Variants in CCNYL1 observed in about 807,000 individuals in gnomAD.
CCNYL1 encodes cyclin-Y-like protein 1.
A neutral mutation model predicts 44.2 loss-of-function variants in CCNYL1; 16 were observed. The observed-to-expected ratio is 0.36, with a 90% CI of 0.25 to 0.55. The LOEUF (loss-of-function observed/expected upper bound fraction) is 0.55. Ranked by LOEUF, CCNYL1 falls within the 20% of genes least tolerant of loss-of-function variation. The pLI is 0.85. For missense variants in CCNYL1, 348 were observed against 451.8 expected (o/e 0.77, Z 2.08); for synonymous variants, 159 against 163.2 (o/e 0.97, Z 0.20).
intron 4 of CCNYL1, among the ~76,000 whole-genome samples, chr2:207,735,964 A>G (rs1159542162): frequency 6.6e-6 from 1 of 152,194 alleles, no homozygotes; most frequent in Non-Finnish European, 1.5e-5. Context: ...CTCAAGTTGG[A>G]AGTTAGGCAG....
chr2:207,742,992 C>T (rs2091822710), intron 7 of CCNYL1, among the ~76,000 whole-genome samples: 1 of 152,200 alleles, frequency 6.6e-6, no homozygotes, highest in African/African-American at 2.4e-5. Flanking sequence ...AAATCCTATT[C>T]AAGTGGTTAG....
At chr2:207,731,586 T>C (rs1248197656) in intron 3 of CCNYL1, among the ~76,000 whole-genome samples, 1 of 152,140 alleles carries the variant, frequency 6.6e-6, no homozygotes, top group Non-Finnish European at 1.5e-5. Context: ...TAAGTCAGCT[T>C]TGGTAAGGCT....
In CCNYL1 at chr2:207,747,137, T is replaced by G; in HGVS notation, c.730T>G (p.Ser244Ala). The G allele has an allele frequency of 6.2e-7, 1 of 1,614,176 alleles. No individual in the cohort carries two copies. The highest frequency in any genetic ancestry group is 1.3e-5 in the African/African-American group (1 of 75,054). Residue 244 changes from serine (S) to alanine (A), a missense_variant, in exon 8 of 10, where the codon TCC (serine) becomes GCC (alanine). Transcript: ENST00000295414. ...TGTTCTGGGAGCCATTCTTCTTGCC[T>G]CCAAGGTTTGGGACGATCAGGCTGT... Reference protein sequence around the residue: ...RIVLGAILLASKVWDDQAVWN... With the variant: ...RIVLGAILLAAKVWDDQAVWN...
chr2:207,718,030 G>A (rs979978851), intron 1 of CCNYL1, among the ~76,000 whole-genome samples: 8 of 148,864 alleles, frequency 5.4e-5, no homozygotes, highest in Non-Finnish European at 1.2e-4. Flanking sequence ...TCAGCCTCCC[G>A]AGTAGCTGGG....
At chr2:207,744,621 C>T (rs760319010) in intron 7 of CCNYL1, among the ~76,000 whole-genome samples, 14 of 151,866 alleles carry the variant, frequency 9.2e-5, no homozygotes, top group East Asian at 1.9e-4. Flanking sequence ...CCGCCTACTT[C>T]GGCATCCCGA....
At chr2:207,735,236 G>A (rs2091756380) in intron 4 of CCNYL1, among the ~76,000 whole-genome samples, 1 of 152,118 alleles carries the variant, frequency 6.6e-6, no homozygotes, top group South Asian at 2.1e-4. Context: ...TTCACTACTG[G>A]TTAAATAAAG....
At chr2:207,731,749 T>C (rs1228763146) in intron 3 of CCNYL1, among the ~76,000 whole-genome samples, 1 of 151,686 alleles carries the variant, frequency 6.6e-6, no homozygotes, top group Non-Finnish European at 1.5e-5. Context: ...AAAATTTGGA[T>C]AGTTGAAAGT....
chr2:207,750,497 C>T (rs911430725), intron 8 of CCNYL1, among the ~76,000 whole-genome samples: 2 of 152,226 alleles, frequency 1.3e-5, no homozygotes, highest in Non-Finnish European at 2.9e-5. Context: ...CATTTGTTGC[C>T]GTGGTGATAT....
At chr2:207,752,150 G>A (rs1489704256) in intron 9 of CCNYL1, among the ~76,000 whole-genome samples, 1 of 152,156 alleles carries the variant, frequency 6.6e-6, no homozygotes, top group Non-Finnish European at 1.5e-5. Context: ...CATGGTTTAT[G>A]TATCACAGTG....
At position 207,755,332 on chromosome 2, in the gene CCNYL1, A is replaced by C. The variant is rs1416664043; in HGVS notation, c.*1634A>C. ...GAGGTCAAGGCTGCAGTGGGCCATG[A>C]TCATGTCACTGCTCTCCAACCTGGG... On this transcript the variant is annotated 3_prime_UTR_variant, in exon 10 of 10. Coordinates refer to ENST00000295414, the MANE Select transcript of CCNYL1 (RefSeq NM_001330218.2). 1 of 152,244 alleles carries C rather than the reference A, an allele frequency of 6.6e-6. No homozygotes were observed. The highest frequency in any genetic ancestry group is 1.5e-5 in the Non-Finnish European group (1 of 68,056). The allele number at this position is 152,244 out of a possible 1,614,324, so 9.4% of individuals were successfully genotyped here. A position where few individuals can be genotyped will look rare whatever the true frequency, so the allele number is the denominator to read the frequency against.
chr2:207,755,664 C>T lies in CCNYL1; in HGVS notation c.*1966C>T, dbSNP rs1413851400. 1.3e-5 allele frequency: 2 copies of T among 152,190 alleles called. No homozygotes were observed. The highest frequency in any genetic ancestry group is 1.3e-4 in the Admixed American group (2 of 15,274). The allele number at this position is 152,190 out of a possible 1,614,324, so 9.4% of individuals were successfully genotyped here. ...GTGATATGAACAGCTGTTTTATCAT[C>T]CTACATGCTACCAAGCTGTAGGTGT... On this transcript the variant is annotated 3_prime_UTR_variant, in exon 10 of 10. Transcript: ENST00000295414.
chr2:207,748,841 G>A (rs1339050832), intron 8 of CCNYL1, among the ~76,000 whole-genome samples: 1 of 152,222 alleles, frequency 6.6e-6, no homozygotes, highest in Non-Finnish European at 1.5e-5. Context: ...ATTGCTGGTA[G>A]CCGTTTTAGC....
intron 3 of CCNYL1, among the ~76,000 whole-genome samples, chr2:207,731,880 G>A: frequency 6.7e-6 from 1 of 148,598 alleles, no homozygotes; most frequent in East Asian, 2.0e-4. Flanking sequence ...TGCAATCTTG[G>A]CTCACTACAA....
At chr2:207,734,782 T>A (rs1185549817) in intron 4 of CCNYL1, among the ~76,000 whole-genome samples, 2 of 152,176 alleles carry the variant, frequency 1.3e-5, no homozygotes, top group Non-Finnish European at 2.9e-5. Flanking sequence ...CTTTTTTTTT[T>A]AGTTAATTCA....
chr2:207,737,298 G>A, intron 4 of CCNYL1, 113 bp from the exon 5 acceptor site: 1 of 777,042 alleles, frequency 1.3e-6, no homozygotes, highest in Admixed American at 2.2e-5. Context: ...TTCTGAACTA[G>A]AGGATTTCAG....
At chr2:207,721,758 CAG>C (rs2091642147) in intron 1 of CCNYL1, among the ~76,000 whole-genome samples, 3 of 146,350 alleles carry the variant, frequency 2.0e-5, no homozygotes, top group Admixed American at 6.9e-5. Flanking sequence ...TGTTTTGAGA[CAG>C]AGTCTTGCTC....
chr2:207,714,053 G>A (rs975133486), intron 1 of CCNYL1, among the ~76,000 whole-genome samples: 6 of 152,026 alleles, frequency 3.9e-5, no homozygotes, highest in African/African-American at 4.8e-5. Flanking sequence ...TATATTCCCC[G>A]TGTTGCTAAT....
At chr2:207,750,136 G>A (rs759024249) in intron 8 of CCNYL1, among the ~76,000 whole-genome samples, 2 of 152,052 alleles carry the variant, frequency 1.3e-5, no homozygotes, top group Non-Finnish European at 2.9e-5. Context: ...AGCACCTCAG[G>A]GTTTCATTCC....
At chr2:207,740,856 A>AC in intron 6 of CCNYL1, 150 bp downstream of exon 6, 1 of 619,252 alleles carries the variant, frequency 1.6e-6, no homozygotes, top group Non-Finnish European at 2.8e-6. Flanking sequence ...AAAATGGTGT[A>AC]AACATTTAAA....
Sources: allele counts gnomAD v4.1 joint callset (sites outside exome capture counted in the v4.1 genomes callset), GRCh38; gene constraint gnomAD v4.1.1; transcripts MANE v1.5; gene names NCBI Gene and HGNC (gene_info 2026-07-23, HGNC 2026-07-21).